Variants in ZNF804A observed in about 807,000 individuals in gnomAD.
The protein encoded by ZNF804A is zinc finger protein 804A.
In ZNF804A, 2 loss-of-function variants were observed where a neutral mutation model predicts 16.5. The ratio of observed to expected loss-of-function variants is 0.12; its 90% confidence interval spans 0.05 to 0.38. The LOEUF is 0.38. Among genes scored for constraint, ZNF804A ranks in the 10% least tolerant of loss-of-function variants. ZNF804A has a pLI of 0.99. For missense variants in ZNF804A, 1,473 were observed against 1,390.7 expected (o/e 1.06, Z -0.94); for synonymous variants, 534 against 489.6 (o/e 1.09, Z -1.20).
chr2:184,904,248 C>T (rs1301645572), intron 2 of ZNF804A, among the ~76,000 whole-genome samples: 1 of 151,916 alleles, frequency 6.6e-6, no homozygotes, highest in African/African-American at 2.4e-5. Context: ...AAGGAAACAA[C>T]ATTAATAGTT....
At chr2:184,762,875 A>G (rs1170803332) in intron 1 of ZNF804A, among the ~76,000 whole-genome samples, 4 of 152,132 alleles carry the variant, frequency 2.6e-5, no homozygotes, top group Admixed American at 1.3e-4. Context: ...ATAATATAAC[A>G]AATAATTTAA....
At chr2:184,751,455 G>A (rs1253450601) in intron 1 of ZNF804A, among the ~76,000 whole-genome samples, 2 of 151,372 alleles carry the variant, frequency 1.3e-5, no homozygotes, top group Non-Finnish European at 3.0e-5. Flanking sequence ...CATTGACTTT[G>A]GCAGTAATTT....
At chr2:184,859,895 C>T (rs1695769296) in intron 1 of ZNF804A, among the ~76,000 whole-genome samples, 2 of 152,306 alleles carry the variant, frequency 1.3e-5, no homozygotes, top group Middle Eastern at 3.4e-3. Flanking sequence ...AGCCTGTGTC[C>T]ACAGGGGCTG....
intron 1 of ZNF804A, among the ~76,000 whole-genome samples, chr2:184,796,294 A>G (rs1240601571): frequency 6.6e-6 from 1 of 152,024 alleles, no homozygotes; most frequent in Non-Finnish European, 1.5e-5. Flanking sequence ...TAGGATTAGT[A>G]CCAATTCTTC....
chr2:184,691,846 A>G (rs1477881987), intron 1 of ZNF804A, among the ~76,000 whole-genome samples: 1 of 152,062 alleles, frequency 6.6e-6, no homozygotes, highest in Non-Finnish European at 1.5e-5. Flanking sequence ...GTGAGAGCAC[A>G]GTGATCCCAG....
chr2:184,711,200 G>A (rs183622266), intron 1 of ZNF804A, among the ~76,000 whole-genome samples: 13 of 151,646 alleles, frequency 8.6e-5, no homozygotes, highest in South Asian at 2.1e-4. Flanking sequence ...GTAGCCATTC[G>A]AACAGGAGTG....
rs1294308470 is a variant in ZNF804A at position 184,937,667 on chromosome 2, T to A, written c.2271T>A (p.Gly757=). The change falls in exon 4 of 4, where the codon GGT becomes GGA. Residue 757 remains glycine (G), a synonymous_variant. Transcript: ENST00000302277. ...HMSQNQAVKR[G]YNSVMNESER... ...GTCAGAATCAGGCTGTTAAAAGAGG[T>A]TACAATTCTGTCATGAATGAATCAG... is the stretch of plus-strand genomic sequence containing the variant. 6.2e-7 allele frequency: 1 copy of A among 1,614,032 alleles called. No individual in the cohort carries two copies. The highest frequency in any genetic ancestry group is 8.5e-7 in the Non-Finnish European group (1 of 1,179,974).
At chr2:184,679,150 C>T (rs907510968) in intron 1 of ZNF804A, among the ~76,000 whole-genome samples, 7 of 152,236 alleles carry the variant, frequency 4.6e-5, no homozygotes, top group African/African-American at 1.4e-4. Flanking sequence ...AGATGTTGAA[C>T]GTAGATTCAG....
Position 184,938,798 on chromosome 2 carries a change from A to C in ZNF804A, c.3402A>C (p.Gln1134His). The change falls in exon 4 of 4, where the codon CAA becomes CAC. Residue 1134 changes from glutamine to histidine, a missense_variant. Physicochemically the swap from Gln to His is conservative, Grantham distance 24 (BLOSUM62 0). Coordinates refer to ENST00000302277, the MANE Select transcript of ZNF804A (RefSeq NM_194250.2). ...AGCCACACCAACAGTTTCTTTCCCA[A>C]ATCCCAGCTCTCACCAGAACCTCAT... ...VLQPHQQFLS[Q>H]IPALTRTSLP... 1 of 1,613,530 alleles carries C rather than the reference A, an allele frequency of 6.2e-7. No individual in the cohort carries two copies. The highest frequency in any genetic ancestry group is 8.5e-7 in the Non-Finnish European group (1 of 1,179,758).
At chr2:184,828,128 A>C (rs1695197815) in intron 1 of ZNF804A, among the ~76,000 whole-genome samples, 2 of 151,850 alleles carry the variant, frequency 1.3e-5, no homozygotes, top group Non-Finnish European at 2.9e-5. Context: ...ATAAGGCATA[A>C]ATATTTTATA....
At chr2:184,831,358 A>T (rs1695259735) in intron 1 of ZNF804A, among the ~76,000 whole-genome samples, 1 of 150,054 alleles carries the variant, frequency 6.7e-6, no homozygotes, top group Admixed American at 6.6e-5. Context: ...TGATTTAATC[A>T]CTCTTTCTCT....
chr2:184,691,715 A>C (rs1036261258), intron 1 of ZNF804A, among the ~76,000 whole-genome samples: 2 of 151,806 alleles, frequency 1.3e-5, no homozygotes, highest in African/African-American at 4.8e-5. Context: ...AGGTAAGGGA[A>C]GGATAGAATA....
intron 1 of ZNF804A, among the ~76,000 whole-genome samples, chr2:184,852,853 G>A (rs1695627754): frequency 6.6e-6 from 1 of 151,582 alleles, no homozygotes; most frequent in African/African-American, 2.4e-5. Flanking sequence ...TATCTTTGTG[G>A]CATATTTTGA....
chr2:184,660,275 A>T (rs984030967), intron 1 of ZNF804A, among the ~76,000 whole-genome samples: 3 of 152,232 alleles, frequency 2.0e-5, no homozygotes, highest in Non-Finnish European at 4.4e-5. Flanking sequence ...AGAATAGGAC[A>T]TGTTTTTATT....
intron 1 of ZNF804A, among the ~76,000 whole-genome samples, chr2:184,608,926 A>G (rs1691194038): frequency 2.0e-5 from 3 of 152,344 alleles, no homozygotes; most frequent in Middle Eastern, 6.8e-3. Flanking sequence ...TAGTGTTTTC[A>G]GGAGAAACAG....
chr2:184,641,624 C>CAT (rs1295962255), intron 1 of ZNF804A, among the ~76,000 whole-genome samples: 1 of 152,106 alleles, frequency 6.6e-6, no homozygotes, highest in African/African-American at 2.4e-5. Flanking sequence ...AATATGTACA[C>CAT]ATATATATCA....
chr2:184,906,276 A>T (rs980839559), intron 2 of ZNF804A, among the ~76,000 whole-genome samples: 1 of 152,080 alleles, frequency 6.6e-6, no homozygotes, highest in African/African-American at 2.4e-5. Flanking sequence ...CCTTATAAGA[A>T]ATGCATTTCC....
chr2:184,682,489 G>T (rs1692558605), intron 1 of ZNF804A, among the ~76,000 whole-genome samples: 1 of 151,392 alleles, frequency 6.6e-6, no homozygotes, highest in South Asian at 2.1e-4. Context: ...ACTTTTTTTT[G>T]CTTGAGAATT....
intron 1 of ZNF804A, among the ~76,000 whole-genome samples, chr2:184,638,092 T>C (rs1333096071): frequency 6.6e-6 from 1 of 152,148 alleles, no homozygotes; most frequent in East Asian, 1.9e-4. Flanking sequence ...CCAGTTAATA[T>C]CCCCGTGCTG....
Sources: allele counts gnomAD v4.1 joint callset (sites outside exome capture counted in the v4.1 genomes callset), GRCh38; gene constraint gnomAD v4.1.1; transcripts MANE v1.5; gene names NCBI Gene and HGNC (gene_info 2026-07-23, HGNC 2026-07-21).